GCFC2: variants seen among roughly 807,000 people sequenced by gnomAD.
GCFC2 encodes the protein intron Large complex component GCFC2.
Under a neutral mutation model 99.4 loss-of-function variants are expected in GCFC2, and 102 were observed. The ratio of observed to expected loss-of-function variants is 1.03; its 90% CI spans 0.87 to 1.21. The LOEUF is 1.21. GCFC2 is among the 50% of genes most tolerant of loss of function. GCFC2 has a pLI of 0.00. For missense variants in GCFC2, 973 were observed against 920.9 expected (o/e 1.06, Z -0.73); for synonymous variants, 338 against 316.8 (o/e 1.07, Z -0.71).
intron 12 of GCFC2, 112 bp downstream of exon 12, chr2:75,680,081 C>T: frequency 1.4e-6 from 1 of 710,586 alleles, no homozygotes; most frequent in East Asian, 2.8e-5. Context: ...TATGTTTTCC[C>T]CCAAACAGTT....
In GCFC2 at chr2:75,699,370, G is replaced by C. The variant is rs945147454; in HGVS notation, c.717+1820C>G. 1.1e-4 allele frequency among the ~76,000 whole-genome samples: 16 copies of C among 152,286 alleles called. 1 individual carries two copies. Among genetic ancestry groups the C allele is most frequent in the Admixed American group, 7.8e-4 (12 of 15,292 alleles). On this transcript the variant is annotated intron_variant, in intron 4 of 16. Coordinates refer to ENST00000321027, the MANE Select transcript of GCFC2 (RefSeq NM_003203.5). ...ACTTCTTTTGGCTTACAAGTATCAT[G>C]ATAAAATTACCAAGACACTAACATC...
At chr2:75,684,133 T>C (rs961009594) in intron 11 of GCFC2, among the ~76,000 whole-genome samples, 3 of 152,164 alleles carry the variant, frequency 2.0e-5, no homozygotes, top group Non-Finnish European at 2.9e-5. Context: ...GCAGACCTAA[T>C]AGACATCTAT....
chr2:75,695,430 T>A (rs1047353180), intron 5 of GCFC2, among the ~76,000 whole-genome samples: 8 of 152,144 alleles, frequency 5.3e-5, no homozygotes, highest in Admixed American at 2.0e-4. Context: ...ATAGTTTTTT[T>A]AAAAAAATTA....
chr2:75,682,058 C>T (rs558557762), intron 11 of GCFC2, among the ~76,000 whole-genome samples: 64 of 152,052 alleles, frequency 4.2e-4, no homozygotes, highest in Non-Finnish European at 7.1e-4. Context: ...GTTCTGAAGA[C>T]AGCAGTGGTT....
chr2:75,686,536 G>A (rs865853323), intron 11 of GCFC2, among the ~76,000 whole-genome samples: 1 of 152,276 alleles, frequency 6.6e-6, no homozygotes, highest in Middle Eastern at 3.4e-3. Flanking sequence ...GAGGCCAGGA[G>A]TTTGAGACTA....
At chr2:75,677,113 T>C (rs1679375806) in intron 12 of GCFC2, among the ~76,000 whole-genome samples, 1 of 152,244 alleles carries the variant, frequency 6.6e-6, no homozygotes, top group East Asian at 1.9e-4. Context: ...TAAACAATGT[T>C]AAGTATCATT....
chr2:75,677,075 G>T (rs1193137475), intron 12 of GCFC2, among the ~76,000 whole-genome samples: 1 of 152,120 alleles, frequency 6.6e-6, no homozygotes, highest in African/African-American at 2.4e-5. Flanking sequence ...TAATCCCTAA[G>T]AACAATCATA....
chr2:75,689,505 AAAC>A lies in GCFC2; in HGVS notation c.1340-283_1340-281del, dbSNP rs201796478. Among the ~76,000 whole-genome samples the A allele has an allele frequency of 1.2e-4, 19 of 152,294 alleles. No individual in the cohort carries two copies. In the East Asian group the frequency reaches 3.3e-3, roughly 26 times the overall value. On this transcript the variant is annotated intron_variant, in intron 9 of 16. Coordinates refer to ENST00000321027, the MANE Select transcript of GCFC2 (RefSeq NM_003203.5). ...GGTATAGTCTACTTATTTACAGACA[AAAC>A]AACATCAAATTTAGGGAGGTCAAAA...
intron 1 of GCFC2, among the ~76,000 whole-genome samples, chr2:75,708,480 G>A (rs928349837): frequency 1.5e-5 from 2 of 136,470 alleles, no homozygotes; most frequent in Admixed American, 1.5e-4. Context: ...TAATCATATG[G>A]TTTAAGAATC....
At chr2:75,668,161 T>C (rs1216253119) in intron 15 of GCFC2, among the ~76,000 whole-genome samples, 1 of 152,160 alleles carries the variant, frequency 6.6e-6, no homozygotes, top group Non-Finnish European at 1.5e-5. Flanking sequence ...AATGAAAGCA[T>C]TCTTACACAT....
At chr2:75,705,997 T>C (rs1680846543) in intron 2 of GCFC2, among the ~76,000 whole-genome samples, 1 of 152,242 alleles carries the variant, frequency 6.6e-6, no homozygotes, top group African/African-American at 2.4e-5. Context: ...TGCCAACCCC[T>C]GAACTAGACT....
intron 1 of GCFC2, 30 bp downstream of exon 1, chr2:75,710,561 C>CTCCCCGCT: frequency 6.8e-7 from 1 of 1,475,790 alleles, no homozygotes; most frequent in African/African-American, 1.5e-5. Flanking sequence ...GTGCCGTCAC[C>CTCCCCGCT]TCCCCGCTTC....
At chr2:75,677,806 GTC>G (rs1679413794) in intron 12 of GCFC2, among the ~76,000 whole-genome samples, 1 of 151,766 alleles carries the variant, frequency 6.6e-6, no homozygotes, top group Non-Finnish European at 1.5e-5. Flanking sequence ...GTGAAACCCC[GTC>G]TCTACTAAAA....
intron 2 of GCFC2, 58 bp from the exon 3 acceptor site, chr2:75,702,481 C>T (rs967548802): frequency 6.8e-5 from 93 of 1,364,340 alleles, no homozygotes; most frequent in Non-Finnish European, 8.8e-5. Context: ...GTAAATATTC[C>T]TCACATTTAA....
At chr2:75,666,643 C>G (rs1365775570) in intron 15 of GCFC2, among the ~76,000 whole-genome samples, 1 of 150,514 alleles carries the variant, frequency 6.6e-6, no homozygotes, top group African/African-American at 2.4e-5. Flanking sequence ...CATTGTCATC[C>G]TAAGAGTAAT....
Position 75,691,985 on chromosome 2 carries a change from T to C in GCFC2, c.1136A>G (p.Gln379Arg), listed in dbSNP as rs746112599. The change falls in exon 7 of 17, where the codon CAG becomes CGG. Residue 379 changes from glutamine to arginine, a missense_variant. By Grantham distance (43) the Gln-to-Arg change is conservative (BLOSUM62 1). Transcript: ENST00000321027. Reference protein sequence around the residue: ...ELKHESTYLQQLSRKDETSTS... With the variant: ...ELKHESTYLQRLSRKDETSTS... ...ACACGAAAAACACTAACGTGATAAC[T>C]GTTGTAAATACGTTGATTCATGTTT... The C allele has an allele frequency of 6.6e-7, 1 of 1,520,520 alleles. No individual in the cohort carries two copies. Among genetic ancestry groups the C allele is most frequent in the Non-Finnish European group, 8.9e-7 (1 of 1,125,582 alleles). 94.2% of individuals were successfully genotyped at this position (1,520,520 alleles called of 1,614,324 possible).
upstream of GCFC2, among the ~76,000 whole-genome samples, chr2:75,712,853 C>G (rs941571047): frequency 6.6e-6 from 1 of 152,156 alleles, no homozygotes; most frequent in African/African-American, 2.4e-5. Context: ...ATCAGTGAGA[C>G]CAAGAACCCA....
chr2:75,709,622 T>C (rs770255081), intron 1 of GCFC2, among the ~76,000 whole-genome samples: 11 of 152,206 alleles, frequency 7.2e-5, no homozygotes, highest in Non-Finnish European at 1.5e-4. Context: ...AGAGGAATTC[T>C]ATTCTACAAC....
rs1181467731 is a variant in GCFC2 at position 75,672,270 on chromosome 2, A to AT, written c.1890-255dup. 1.1e-3 allele frequency among the ~76,000 whole-genome samples: 133 copies of AT among 125,346 alleles called. 1 individual carries two copies. The highest frequency in any genetic ancestry group is 3.8e-3 in the African/African-American group (123 of 32,708). The allele number at this position is 125,346 out of a possible 152,430, so 82.2% of individuals were successfully genotyped here. A position where few individuals can be genotyped will look rare whatever the true frequency, so the allele number is the denominator to read the frequency against. On this transcript the variant is annotated intron_variant, in intron 13 of 16. Transcript: ENST00000321027. ...ATGTTTATAAAATATATATTTATAT[A>AT]TTTATAAATATGTTTATAAAATATA...
Sources: gnomAD v4.1 joint callset for allele counts (sites outside exome capture counted in the v4.1 genomes callset) on GRCh38, gnomAD v4.1.1 for gene constraint, MANE v1.5 for transcripts, NCBI Gene and HGNC (gene_info 2026-07-23, HGNC 2026-07-21) for gene names.